The following FAM171A1 variants were observed in gnomAD, a reference collection of about 807,000 sequenced individuals.
The protein encoded by FAM171A1 is family with sequence similarity 171 member A1.
Under a neutral mutation model 74.9 loss-of-function variants are expected in FAM171A1, and 23 were observed. The ratio of observed to expected loss-of-function variants is 0.31; its 90% CI spans 0.22 to 0.44. The LOEUF (loss-of-function observed/expected upper bound fraction) is 0.44. Among genes scored for constraint, FAM171A1 ranks in the 20% least tolerant of loss-of-function variants. FAM171A1 has a pLI of 1.00. For synonymous variants in FAM171A1, 527 were observed against 505.7 expected (o/e 1.04, Z -0.57); for missense variants, 1,162 against 1,159.2 (o/e 1.00, Z -0.03).
intron 1 of FAM171A1, among the ~76,000 whole-genome samples, chr10:15,364,412 T>G (rs1215681977): frequency 1.3e-5 from 2 of 152,162 alleles, no homozygotes; most frequent in African/African-American, 4.8e-5. Flanking sequence ...TGGCTCCAGT[T>G]TGGTGGAATT....
At chr10:15,281,595 C>T (rs1029669542) in intron 2 of FAM171A1, among the ~76,000 whole-genome samples, 2 of 152,212 alleles carry the variant, frequency 1.3e-5, no homozygotes, top group Non-Finnish European at 2.9e-5. Context: ...GGCACAGTGG[C>T]TCACGCCTGT....
intron 2 of FAM171A1, 73 bp downstream of exon 2, chr10:15,283,805 A>T: frequency 6.8e-7 from 1 of 1,480,926 alleles, no homozygotes; most frequent in Non-Finnish European, 9.4e-7. Context: ...AGCTGGTTTC[A>T]GACTCCTGGC....
intron 1 of FAM171A1, among the ~76,000 whole-genome samples, chr10:15,303,819 G>A (rs1000490563): frequency 6.6e-6 from 1 of 152,174 alleles, no homozygotes; most frequent in East Asian, 1.9e-4. Context: ...GATCAGTGAC[G>A]ACGTGCCCAA....
intron 1 of FAM171A1, among the ~76,000 whole-genome samples, chr10:15,327,552 G>A (rs530459783): frequency 6.6e-6 from 1 of 152,310 alleles, no homozygotes; most frequent in South Asian, 2.1e-4. Flanking sequence ...TCAGGAGGCT[G>A]AGGCAGGAGG....
At chr10:15,357,533 T>G (rs1400146950) in intron 1 of FAM171A1, among the ~76,000 whole-genome samples, 1 of 152,204 alleles carries the variant, frequency 6.6e-6, no homozygotes, top group Non-Finnish European at 1.5e-5. Context: ...GGCACCTTGA[T>G]AGGGTTTTGA....
At chr10:15,275,011 C>G (rs967133504) in intron 3 of FAM171A1, among the ~76,000 whole-genome samples, 4 of 152,102 alleles carry the variant, frequency 2.6e-5, no homozygotes, top group African/African-American at 9.7e-5. Context: ...GACAGAAAAC[C>G]AAACACCACA....
chr10:15,354,304 T>A (rs1835909974), intron 1 of FAM171A1, among the ~76,000 whole-genome samples: 1 of 152,120 alleles, frequency 6.6e-6, no homozygotes, highest in South Asian at 2.1e-4. Flanking sequence ...GAAACCAGCC[T>A]GGCCAACATG....
rs929450715 is a variant in FAM171A1 at position 15,314,213 on chromosome 10, G to T, written c.98-30108C>A. Among the ~76,000 whole-genome samples, 5 of 152,024 alleles carry T rather than the reference G, an allele frequency of 3.3e-5. No homozygotes were observed. The East Asian group carries it at 9.6e-4, about 29-fold the overall frequency. ...GCACGTCGTGTGTTATTATAACAAA[G>T]GGCTGAATGCACATCACCATTGCCA... On this transcript the variant is annotated intron_variant, in intron 1 of 7. Transcript: ENST00000378116.
intron 1 of FAM171A1, among the ~76,000 whole-genome samples, chr10:15,311,073 T>C (rs1429877939): frequency 6.6e-6 from 1 of 152,172 alleles, no homozygotes; most frequent in African/African-American, 2.4e-5. Context: ...CCAAGCCTTA[T>C]CCCTGCTCTT....
At chr10:15,331,782 T>C (rs1302657223) in intron 1 of FAM171A1, among the ~76,000 whole-genome samples, 1 of 149,062 alleles carries the variant, frequency 6.7e-6, no homozygotes, top group Non-Finnish European at 1.5e-5. Context: ...TATATATATG[T>C]ATAGATGTGT....
intron 1 of FAM171A1, among the ~76,000 whole-genome samples, chr10:15,287,259 T>C (rs1835047923): frequency 6.6e-6 from 1 of 150,582 alleles, no homozygotes; most frequent in South Asian, 2.1e-4. Flanking sequence ...ATCCGGCTAA[T>C]TTTTTGTATT....
intron 1 of FAM171A1, among the ~76,000 whole-genome samples, chr10:15,289,686 G>A (rs558062949): frequency 8.5e-5 from 13 of 152,238 alleles, no homozygotes; most frequent in South Asian, 6.2e-4. Context: ...CCTTCGATGC[G>A]TCCCCACTGT....
intron 1 of FAM171A1, among the ~76,000 whole-genome samples, chr10:15,301,961 T>C (rs1248340217): frequency 2.0e-5 from 3 of 151,770 alleles, no homozygotes; most frequent in South Asian, 4.2e-4. Context: ...AGAGAAGAAA[T>C]AGGGGAGTCA....
chr10:15,263,720 AATCTATCT>A (rs199543212), intron 3 of FAM171A1, among the ~76,000 whole-genome samples: 6 of 140,462 alleles, frequency 4.3e-5, no homozygotes, highest in African/African-American at 1.6e-4. Context: ...CTATCCTATC[AATCTATCT>A]ATCTATCTGT....
intron 4 of FAM171A1, among the ~76,000 whole-genome samples, chr10:15,250,061 T>C (rs746993684): frequency 5.3e-5 from 8 of 152,228 alleles, no homozygotes; most frequent in Non-Finnish European, 1.0e-4. Flanking sequence ...CTGGTCTACA[T>C]TTAAACATTT....
At chr10:15,367,059 CGTG>C (rs1211598292) in intron 1 of FAM171A1, among the ~76,000 whole-genome samples, 1 of 152,008 alleles carries the variant, frequency 6.6e-6, no homozygotes, top group Non-Finnish European at 1.5e-5. Context: ...AATAGCCAGG[CGTG>C]GTGGCGGGCA....
At chr10:15,301,990 G>A (rs1457405763) in intron 1 of FAM171A1, among the ~76,000 whole-genome samples, 1 of 151,948 alleles carries the variant, frequency 6.6e-6, no homozygotes, top group East Asian at 1.9e-4. Flanking sequence ...GAAGACATAA[G>A]ACAGTCCCAA....
Position 15,370,939 on chromosome 10 carries a change from C to G in FAM171A1, c.97+17G>C. ...CGGCGCGACACAAAGCCCCCGGCCC[C>G]GCCGCCGCCCACTGACCTTGGGCTC... On this transcript the variant is annotated intron_variant, in intron 1 of 7. Transcript: ENST00000378116. 3 of 1,136,030 alleles carry G rather than the reference C, an allele frequency of 2.6e-6. No homozygotes were observed. The highest frequency in any genetic ancestry group is 3.3e-6 in the Non-Finnish European group (3 of 908,320). The allele number at this position is 1,136,030 out of a possible 1,614,324, so 70.4% of individuals were successfully genotyped here.
chr10:15,296,441 C>G (rs1313370833), intron 1 of FAM171A1, among the ~76,000 whole-genome samples: 1 of 152,106 alleles, frequency 6.6e-6, no homozygotes, highest in African/African-American at 2.4e-5. Context: ...TGAGGACTCC[C>G]TTATATGCAA....
Sources: allele counts gnomAD v4.1 joint callset (sites outside exome capture counted in the v4.1 genomes callset), GRCh38; gene constraint gnomAD v4.1.1; transcripts MANE v1.5; gene names NCBI Gene and HGNC (gene_info 2026-07-23, HGNC 2026-07-21).